Variants in LRBA observed in about 807,000 individuals in gnomAD.
The protein encoded by LRBA is lipopolysaccharide-responsive and beige-like anchor protein.
In LRBA, 176 loss-of-function variants were observed where a neutral mutation model predicts 330.0. The ratio of observed to expected loss-of-function variants is 0.53; its 90% CI spans 0.47 to 0.60. The LOEUF is 0.60. Ranked by LOEUF, LRBA falls within the 20% of genes least tolerant of loss-of-function variation. The pLI, the probability that LRBA is intolerant of heterozygous loss-of-function variation, is 0.00. For synonymous variants in LRBA, 1,230 were observed against 1,193.0 expected, an observed-to-expected ratio of 1.03 and a Z score of -0.64; for missense variants, 3,259 against 3,444.8, an observed-to-expected ratio of 0.95 and a Z score of 1.35.
chr4:150,573,194 T>C (rs1215790037), intron 40 of LRBA, among the ~76,000 whole-genome samples: 1 of 152,162 alleles, frequency 6.6e-6, no homozygotes, highest in Non-Finnish European at 1.5e-5. Flanking sequence ...CAGAAGGTTG[T>C]AACTGTCATA....
At chr4:150,714,909 C>G (rs907605347) in intron 36 of LRBA, among the ~76,000 whole-genome samples, 1 of 152,220 alleles carries the variant, frequency 6.6e-6, no homozygotes, top group Admixed American at 6.5e-5. Context: ...AATATTATTT[C>G]ACCATTTGTT....
intron 37 of LRBA, among the ~76,000 whole-genome samples, chr4:150,612,427 C>T (rs1371048050): frequency 2.0e-5 from 3 of 152,062 alleles, no homozygotes; most frequent in East Asian, 3.9e-4. Context: ...AAGGTATGTG[C>T]TTTTTATCCA....
intron 9 of LRBA, among the ~76,000 whole-genome samples, chr4:150,912,974 G>C (rs1017862362): frequency 2.0e-5 from 3 of 152,122 alleles, no homozygotes; most frequent in African/African-American, 7.2e-5. Context: ...GCTGTTTTAA[G>C]TGTGTTGTTT....
intron 47 of LRBA, among the ~76,000 whole-genome samples, chr4:150,396,339 A>G (rs1239820763): frequency 6.6e-6 from 1 of 152,074 alleles, no homozygotes; most frequent in Non-Finnish European, 1.5e-5. Flanking sequence ...GAGTTACACC[A>G]TTGGTTCCCC....
intron 2 of LRBA, among the ~76,000 whole-genome samples, chr4:151,001,295 T>A (rs1579456174): frequency 6.6e-6 from 1 of 151,994 alleles, no homozygotes; most frequent in Non-Finnish European, 1.5e-5. Context: ...AGCCTCATGT[T>A]CCCCAGTAGC....
At chr4:150,467,627 T>G (rs762274160) in intron 44 of LRBA, 46 bp downstream of exon 44, 1 of 1,194,488 alleles carries the variant, frequency 8.4e-7, no homozygotes, top group East Asian at 2.4e-5. Context: ...CCAATTTATT[T>G]TTATATGCAA....
chr4:150,897,325 G>A (rs1167567899), intron 15 of LRBA, among the ~76,000 whole-genome samples: 2 of 151,942 alleles, frequency 1.3e-5, no homozygotes, highest in Admixed American at 6.6e-5. Flanking sequence ...GGGACAAAAT[G>A]TGACCACTTC....
chr4:150,768,720 T>C (rs1250829164), intron 34 of LRBA, among the ~76,000 whole-genome samples: 1 of 134,280 alleles, frequency 7.4e-6, no homozygotes, highest in Non-Finnish European at 1.7e-5. Flanking sequence ...TTGCCAAAGT[T>C]AACCAGACAT....
In LRBA at chr4:150,583,348, A is replaced by C. The variant is rs749763431; in HGVS notation, c.6330+4700T>G. ...AGTGCTCAAACTGAGCGATGGGCGG[A>C]AGCGGAGCATGTCTCTCTGGGTCGA... On this transcript the variant is annotated intron_variant, in intron 40 of 56. Transcript: ENST00000651943. The surrounding 1 kb of genome is among the most constrained non-coding windows in gnomAD (Gnocchi z 9.8). 6.2e-7 allele frequency: 1 copy of C among 1,614,068 alleles called. No homozygotes were observed. The highest frequency in any genetic ancestry group is 8.5e-7 in the Non-Finnish European group (1 of 1,180,038).
At chr4:150,362,964 AAAAAAAT>A (rs1413078667) in intron 47 of LRBA, among the ~76,000 whole-genome samples, 4 of 151,990 alleles carry the variant, frequency 2.6e-5, no homozygotes, top group Non-Finnish European at 5.9e-5. Context: ...CTGAAAATAC[AAAAAAAT>A]AAAAAATAAA....
intron 40 of LRBA, chr4:150,581,887 GACCATTCATAA>G (rs1771396948): frequency 6.6e-6 from 1 of 151,960 alleles, no homozygotes; most frequent in East Asian, 1.9e-4. Flanking sequence ...ATGGCCCTGG[GACCATTCATAA>G]ACTAAATAAC....
intron 37 of LRBA, among the ~76,000 whole-genome samples, chr4:150,629,832 A>T (rs922702249): frequency 6.6e-6 from 1 of 151,938 alleles, no homozygotes; most frequent in Non-Finnish European, 1.5e-5. Flanking sequence ...TTAGCTACGC[A>T]TGGTGGTGGG....
chr4:150,608,137 A>G (rs377519672), intron 37 of LRBA, among the ~76,000 whole-genome samples: 1 of 152,042 alleles, frequency 6.6e-6, no homozygotes, highest in African/African-American at 2.4e-5. Context: ...CCTGAGCCCA[A>G]GAGGTTGAGG....
chr4:150,295,023 C>T (rs772381208), intron 53 of LRBA, among the ~76,000 whole-genome samples: 42 of 152,016 alleles, frequency 2.8e-4, no homozygotes, highest in Admixed American at 9.2e-4. Context: ...ACACTCCTTT[C>T]ATTGAAAGTA....
intron 9 of LRBA, among the ~76,000 whole-genome samples, chr4:150,913,804 A>G (rs1732274336): frequency 6.6e-6 from 1 of 152,170 alleles, no homozygotes; most frequent in Non-Finnish European, 1.5e-5. Context: ...TTTTGACTTA[A>G]AGTCTATTTT....
intron 42 of LRBA, among the ~76,000 whole-genome samples, chr4:150,485,075 G>A (rs1405972112): frequency 6.6e-6 from 1 of 151,908 alleles, no homozygotes; most frequent in Non-Finnish European, 1.5e-5. Flanking sequence ...TGTTCTACGT[G>A]TATTTAAAAT....
chr4:150,683,766 T>C (rs754941982), intron 36 of LRBA, 49 bp from the exon 37 acceptor site: 1 of 1,355,058 alleles, frequency 7.4e-7, no homozygotes, highest in South Asian at 1.4e-5. Context: ...AAAAAACCTT[T>C]AAAATCCATT....
chr4:150,591,181 G>A (rs1772784023), intron 38 of LRBA, among the ~76,000 whole-genome samples: 1 of 152,060 alleles, frequency 6.6e-6, no homozygotes, highest in Non-Finnish European at 1.5e-5. Flanking sequence ...TCATTAATAG[G>A]AACAATCAAA....
chr4:150,566,655 T>A lies in LRBA; in HGVS notation c.6330+21393A>T, dbSNP rs182775777. ...TTCACATTAAAATGTATTTCACTAA[T>A]ACAAATAGTAATAATGACCATCACA... On this transcript the variant is annotated intron_variant, in intron 40 of 56. Transcript: ENST00000651943. Among the ~76,000 whole-genome samples the A allele has an allele frequency of 1.2e-3, 183 of 152,184 alleles. 3 individuals are homozygous for A. The highest frequency in any genetic ancestry group is 4.3e-3 in the African/African-American group (179 of 41,570).
Sources: allele counts gnomAD v4.1 joint callset (sites outside exome capture counted in the v4.1 genomes callset), GRCh38; gene constraint gnomAD v4.1.1; non-coding constraint Gnocchi (gnomAD v3.1); transcripts MANE v1.5; gene names NCBI Gene and HGNC (gene_info 2026-07-23, HGNC 2026-07-21).